IL1RAPL2: variants seen among roughly 807,000 people sequenced by gnomAD.
IL1RAPL2 encodes the protein interleukin 1 receptor accessory protein like 2.
Under a neutral mutation model 44.1 loss-of-function variants are expected in IL1RAPL2, and 3 were observed. The ratio of observed to expected loss-of-function variants is 0.07; its 90% CI spans 0.03 to 0.18. The LOEUF is 0.18. Among genes scored for constraint, IL1RAPL2 ranks in the 10% least tolerant of loss-of-function variants. The pLI, the probability that IL1RAPL2 is intolerant of heterozygous loss-of-function variation, is 1.00. For missense variants in IL1RAPL2, 391 were observed against 496.4 expected (o/e 0.79, Z 2.02); for synonymous variants, 181 against 178.8 (o/e 1.01, Z -0.10).
intron 2 of IL1RAPL2, among the ~76,000 whole-genome samples, chrX:104,955,561 CAT>C (rs1457417585): frequency 1.8e-4 from 19 of 107,050 alleles, no homozygotes; most frequent in African/African-American, 5.7e-4. Context: ...ATATTATACT[CAT>C]ATATATATTT....
At chrX:105,127,203 T>C (rs1300559121) in intron 2 of IL1RAPL2, among the ~76,000 whole-genome samples, 1 of 111,062 alleles carries the variant, frequency 9.0e-6, no homozygotes, top group African/African-American at 3.3e-5. Context: ...TTTGAAGTTA[T>C]AAAGCAGCAA....
chrX:105,727,898 A>T (rs1233187294), intron 7 of IL1RAPL2, among the ~76,000 whole-genome samples: 1 of 111,493 alleles, frequency 9.0e-6, no homozygotes, highest in South Asian at 3.8e-4. Context: ...TTTAGAGCAG[A>T]TTTAAGTTCA....
At chrX:105,267,027 T>C (rs948394469) in intron 4 of IL1RAPL2, among the ~76,000 whole-genome samples, 8 of 112,038 alleles carry the variant, frequency 7.1e-5, no homozygotes, top group African/African-American at 2.6e-4. Flanking sequence ...AATATCCTTG[T>C]CAAATAGAAG....
chrX:104,687,768 A>G (rs1205623131), intron 2 of IL1RAPL2, among the ~76,000 whole-genome samples: 1 of 111,188 alleles, frequency 9.0e-6, no homozygotes, highest in South Asian at 3.8e-4. Context: ...ATAAGTTTAT[A>G]TATGTGTCCT....
chrX:104,854,229 A>C (rs933311361), intron 2 of IL1RAPL2, among the ~76,000 whole-genome samples: 1 of 111,718 alleles, frequency 9.0e-6, no homozygotes, highest in Admixed American at 9.5e-5. Flanking sequence ...CTTATGCTTG[A>C]CTACATTCAG....
chrX:105,125,482 C>A (rs1331596526), intron 2 of IL1RAPL2, among the ~76,000 whole-genome samples: 1 of 110,613 alleles, frequency 9.0e-6, no homozygotes, highest in Non-Finnish European at 1.9e-5. Context: ...GGAAGGAAGG[C>A]CAGTCAAAAT....
intron 4 of IL1RAPL2, among the ~76,000 whole-genome samples, chrX:105,253,782 A>T (rs1015665692): frequency 1.8e-5 from 2 of 111,906 alleles, no homozygotes; most frequent in African/African-American, 6.5e-5. Flanking sequence ...GCTACCACTT[A>T]TAAGTGAGAA....
chrX:105,282,100 AT>A (rs2034536956), intron 5 of IL1RAPL2, among the ~76,000 whole-genome samples: 1 of 112,201 alleles, frequency 8.9e-6, no homozygotes, highest in Non-Finnish European at 1.9e-5. Context: ...ATGTGGAATA[AT>A]TTGTCAATTA....
intron 2 of IL1RAPL2, among the ~76,000 whole-genome samples, chrX:104,701,448 C>G (rs1369180022): frequency 4.5e-5 from 5 of 110,928 alleles, no homozygotes; most frequent in Non-Finnish European, 9.5e-5. Flanking sequence ...TATCCCGTAC[C>G]CCAAATTTTC....
chrX:105,139,391 A>G (rs1341472191), intron 2 of IL1RAPL2, among the ~76,000 whole-genome samples: 1 of 111,980 alleles, frequency 8.9e-6, no homozygotes, highest in Non-Finnish European at 1.9e-5. Context: ...TCAATGGGAC[A>G]TAATGCTGCA....
At chrX:104,867,432 T>C (rs1009560968) in intron 2 of IL1RAPL2, among the ~76,000 whole-genome samples, 4 of 111,124 alleles carry the variant, frequency 3.6e-5, no homozygotes, top group African/African-American at 1.3e-4. Flanking sequence ...TTAAGTTACT[T>C]ACCAGCAAGA....
At chrX:105,309,104 T>C (rs1386429802) in intron 5 of IL1RAPL2, among the ~76,000 whole-genome samples, 2 of 110,766 alleles carry the variant, frequency 1.8e-5, no homozygotes, top group South Asian at 3.9e-4. Context: ...GCACAATCTC[T>C]GCTCACTGCA....
chrX:104,582,454 C>G (rs902960008), intron 1 of IL1RAPL2, among the ~76,000 whole-genome samples: 1 of 111,442 alleles, frequency 9.0e-6, no homozygotes, highest in African/African-American at 3.3e-5. Flanking sequence ...TTTTTTCTAA[C>G]TTGGTGAACA....
chrX:105,046,836 TGGGGG>T (rs1556036882), intron 2 of IL1RAPL2, among the ~76,000 whole-genome samples: 1 of 99,390 alleles, frequency 1.0e-5, no homozygotes. Flanking sequence ...TTTTTTTTTT[TGGGGG>T]GGTGCTAGAC....
At chrX:105,662,567 A>G (rs1204875299) in intron 6 of IL1RAPL2, among the ~76,000 whole-genome samples, 2 of 112,279 alleles carry the variant, frequency 1.8e-5, no homozygotes, top group East Asian at 5.6e-4. Flanking sequence ...CCTCTCTCTT[A>G]GAGTATGGGC....
intron 2 of IL1RAPL2, among the ~76,000 whole-genome samples, chrX:104,990,175 G>C (rs1016036799): frequency 2.0e-4 from 22 of 112,036 alleles, no homozygotes; most frequent in African/African-American, 7.1e-4. Context: ...AAATTGGGCC[G>C]ATGTGTATCT....
At chrX:104,892,456 C>T (rs1301789279) in intron 2 of IL1RAPL2, among the ~76,000 whole-genome samples, 1 of 111,185 alleles carries the variant, frequency 9.0e-6, no homozygotes, top group Non-Finnish European at 1.9e-5. Flanking sequence ...TCTATTATTA[C>T]CTCAATTTCA....
chrX:105,378,011 A>G (rs1476164140), intron 5 of IL1RAPL2, among the ~76,000 whole-genome samples: 1 of 111,807 alleles, frequency 8.9e-6, no homozygotes, highest in Non-Finnish European at 1.9e-5. Flanking sequence ...TAACAAGGCC[A>G]TTTTGCCATC....
rs200909628 is a variant in IL1RAPL2, at chrX:104,802,454, C to T, written c.82+143459C>T. The stretch of plus-strand genomic sequence containing the variant: ...TAAAACTGGATAGAACTGATTTGTA[C>T]GCTTTTTTTGTAGTTAATACTTCTA... On this transcript the variant is annotated intron_variant, in intron 2 of 10. Transcript: ENST00000372582. Among the ~76,000 whole-genome samples the T allele has an allele frequency of 1.6e-4, 18 of 109,458 alleles. No individual in the cohort carries two copies. In the East Asian group the frequency reaches 1.7e-3, roughly 10 times the overall value.
Sources: allele counts gnomAD v4.1 joint callset (sites outside exome capture counted in the v4.1 genomes callset), GRCh38; gene constraint gnomAD v4.1.1; transcripts MANE v1.5; gene names NCBI Gene and HGNC (gene_info 2026-07-23, HGNC 2026-07-21).